The following CDH13 variants were observed in gnomAD, a reference collection of about 807,000 sequenced individuals.
The protein encoded by CDH13 is cadherin-13.
CDH13 carries 24 observed loss-of-function variants against 63.8 expected under a neutral mutation model. The ratio of observed to expected loss-of-function variants is 0.38; its 90% CI spans 0.27 to 0.53. The LOEUF (loss-of-function observed/expected upper bound fraction) is 0.53. CDH13 is among the 20% of genes least tolerant of loss of function. CDH13 has a pLI of 0.85. For synonymous variants in CDH13, 503 were observed against 355.3 expected (o/e 1.42, Z -4.67); for missense variants, 1,049 against 903.1 (o/e 1.16, Z -2.07).
chr16:83,070,956 A>G (rs529736248), intron 3 of CDH13, among the ~76,000 whole-genome samples: 1 of 149,480 alleles, frequency 6.7e-6, no homozygotes, highest in Admixed American at 6.7e-5. Context: ...TGCTTCACGC[A>G]GTCATGCCAC....
At chr16:83,230,710 C>T (rs978364420) in intron 5 of CDH13, among the ~76,000 whole-genome samples, 48 of 152,210 alleles carry the variant, frequency 3.2e-4, no homozygotes, top group African/African-American at 9.9e-4. Context: ...TCGTTTGAAC[C>T]CAGGAGGTGG....
intron 7 of CDH13, among the ~76,000 whole-genome samples, chr16:83,519,038 C>G (rs2074767889): frequency 6.6e-6 from 1 of 152,166 alleles, no homozygotes. Context: ...TCCTAGGCAC[C>G]TGGTTCTCAG....
chr16:83,480,489 C>T (rs1366502489), intron 6 of CDH13, among the ~76,000 whole-genome samples: 1 of 152,166 alleles, frequency 6.6e-6, no homozygotes, highest in African/African-American at 2.4e-5. Flanking sequence ...AGAGAACTGG[C>T]TCATGTCCAC....
At chr16:83,325,132 A>G (rs1015474488) in intron 5 of CDH13, among the ~76,000 whole-genome samples, 4 of 152,224 alleles carry the variant, frequency 2.6e-5, no homozygotes, top group Middle Eastern at 3.2e-3. Flanking sequence ...TCCATGTTTC[A>G]TAAGTTCTTA....
intron 5 of CDH13, among the ~76,000 whole-genome samples, chr16:83,321,838 A>AT (rs2090234449): frequency 6.6e-6 from 1 of 152,186 alleles, no homozygotes; most frequent in Admixed American, 6.5e-5. Context: ...GAAATCTGGA[A>AT]TTTTGTTAAA....
In CDH13 at chr16:83,795,250, T is replaced by A; in HGVS notation, c.*220T>A. On this transcript the variant is annotated 3_prime_UTR_variant, in exon 14 of 14. Coordinates refer to ENST00000567109, the MANE Select transcript of CDH13 (RefSeq NM_001257.5). ...TTAATTAATGGAATCTTCTGAATTT[T>A]CCCTGAATGTTTAAAGATCATGACA... 1.9e-6 allele frequency: 1 copy of A among 539,464 alleles called. No homozygotes were observed. The highest frequency in any genetic ancestry group is 3.3e-6 in the Non-Finnish European group (1 of 302,694). 33.4% of individuals were successfully genotyped at this position (539,464 alleles called of 1,614,324 possible). A position where few individuals can be genotyped will look rare whatever the true frequency, so the allele number is the denominator to read the frequency against.
Position 83,045,364 on chromosome 16 carries a change from G to A in CDH13, c.366+13146G>A, listed in dbSNP as rs141825969. Among the ~76,000 whole-genome samples the A allele has an allele frequency of 7.4e-3, 1,132 of 152,148 alleles. 12 individuals are homozygous for A. Among genetic ancestry groups the A allele is most frequent in the African/African-American group, 0.026 (1,075 of 41,496 alleles). On this transcript the variant is annotated intron_variant, in intron 3 of 13. Coordinates refer to ENST00000567109, the MANE Select transcript of CDH13 (RefSeq NM_001257.5). Reference sequence around the variant, plus strand: ...CTCTGTAAGAGATGGGTTGGCTGGGGGCGATGGCTCAAACCTGTAATCCTA... The same window carrying A: ...CTCTGTAAGAGATGGGTTGGCTGGGAGCGATGGCTCAAACCTGTAATCCTA...
At chr16:82,966,700 A>C (rs532966101) in intron 2 of CDH13, among the ~76,000 whole-genome samples, 4 of 152,154 alleles carry the variant, frequency 2.6e-5, no homozygotes, top group Non-Finnish European at 2.9e-5. Context: ...TTTTAGTTCA[A>C]ATTTTTCAAA....
chr16:83,062,546 G>T (rs1000750358), intron 3 of CDH13, among the ~76,000 whole-genome samples: 1 of 152,146 alleles, frequency 6.6e-6, no homozygotes, highest in Non-Finnish European at 1.5e-5. Context: ...GACAGAGGAT[G>T]GAAGTTCAGT....
chr16:83,626,895 A>G (rs1472816908), intron 8 of CDH13, among the ~76,000 whole-genome samples: 3 of 151,920 alleles, frequency 2.0e-5, no homozygotes, highest in African/African-American at 7.3e-5. Flanking sequence ...TGCTGTCTGG[A>G]CCACCTTCTG....
At chr16:82,968,984 G>T (rs570840144) in intron 2 of CDH13, among the ~76,000 whole-genome samples, 1 of 152,248 alleles carries the variant, frequency 6.6e-6, no homozygotes, top group African/African-American at 2.4e-5. Context: ...GTTGGGCATG[G>T]TAATCCCAGC....
At chr16:83,035,601 C>G in intron 3 of CDH13, among the ~76,000 whole-genome samples, 1 of 152,110 alleles carries the variant, frequency 6.6e-6, no homozygotes, top group East Asian at 1.9e-4. Context: ...GAGACTTGAG[C>G]CTGGGCAGCC....
At chr16:82,896,898 A>G (rs1422186977) in intron 2 of CDH13, among the ~76,000 whole-genome samples, 1 of 146,988 alleles carries the variant, frequency 6.8e-6, no homozygotes, top group Non-Finnish European at 1.5e-5. Context: ...CTCCTGCCTC[A>G]GCCTCCCCAG....
rs2038830179 is a variant in CDH13 at position 82,837,745 on chromosome 16, G to GTAGATCAC, written c.46-20613_46-20612insTCACTAGA. 2.0e-5 allele frequency among the ~76,000 whole-genome samples: 3 copies of GTAGATCAC among 152,104 alleles called. No homozygotes were observed. In the South Asian group the frequency reaches 6.2e-4, roughly 32 times the overall value. ...ACTGGGAGCTCATCGAGCTGGTCAC[G>GTAGATCAC]TAGACAGCCTCTGCCTGATACATAG... On this transcript the variant is annotated intron_variant, in intron 1 of 13. Transcript: ENST00000567109.
At chr16:83,572,284 T>C (rs945580256) in intron 7 of CDH13, among the ~76,000 whole-genome samples, 13 of 151,772 alleles carry the variant, frequency 8.6e-5, no homozygotes, top group Admixed American at 2.6e-4. Context: ...CCTCCTGGGT[T>C]CAGGCGATTC....
chr16:82,913,328 AG>A (rs769971186), intron 2 of CDH13, among the ~76,000 whole-genome samples: 3 of 152,142 alleles, frequency 2.0e-5, no homozygotes, highest in Non-Finnish European at 4.4e-5. Context: ...CAGAATGTGC[AG>A]GGATGTCCAT....
intron 8 of CDH13, among the ~76,000 whole-genome samples, chr16:83,665,635 G>A (rs1913877838): frequency 6.6e-6 from 1 of 152,066 alleles, no homozygotes; most frequent in Non-Finnish European, 1.5e-5. Flanking sequence ...TTCCATATTA[G>A]TTCTCTGTGA....
chr16:83,698,915 A>G (rs971961358), intron 10 of CDH13, among the ~76,000 whole-genome samples: 1 of 152,370 alleles, frequency 6.6e-6, no homozygotes, highest in African/African-American at 2.4e-5. Context: ...AACTGTGTTG[A>G]CACAGGGAGT....
intron 1 of CDH13, among the ~76,000 whole-genome samples, chr16:82,813,494 C>T (rs922803135): frequency 2.0e-5 from 3 of 152,132 alleles, no homozygotes; most frequent in Admixed American, 1.3e-4. Context: ...AGCTGGCTGT[C>T]TCCTTTTAAG....
Sources: allele counts gnomAD v4.1 joint callset (sites outside exome capture counted in the v4.1 genomes callset), GRCh38; gene constraint gnomAD v4.1.1; transcripts MANE v1.5; gene names NCBI Gene and HGNC (gene_info 2026-07-23, HGNC 2026-07-21).